Variants in RYR3 observed in about 807,000 individuals in gnomAD.
The protein encoded by RYR3 is brain ryanodine receptor-calcium release channel.
In RYR3, 207 loss-of-function variants were observed where a neutral mutation model predicts 584.3. The observed-to-expected ratio is 0.35, with a 90% CI of 0.32 to 0.40. The LOEUF is 0.40. Ranked by LOEUF, RYR3 falls within the 10% of genes least tolerant of loss-of-function variation. The pLI is 1.00. For synonymous variants in RYR3, 2,416 were observed against 2,248.5 expected (o/e 1.07, Z -2.11); for missense variants, 5,616 against 6,089.2 (o/e 0.92, Z 2.59).
chr15:33,814,041 G>A (rs1051052745), intron 74 of RYR3, among the ~76,000 whole-genome samples: 1 of 152,340 alleles, frequency 6.6e-6, no homozygotes, highest in African/African-American at 2.4e-5. Context: ...TTAGCACAGT[G>A]TACTAGCTGT....
chr15:33,783,261 G>A (rs902929341), intron 65 of RYR3, among the ~76,000 whole-genome samples: 1 of 152,174 alleles, frequency 6.6e-6, no homozygotes, highest in Admixed American at 6.5e-5. Flanking sequence ...GGTGATGCTG[G>A]TGCTGCTGGT....
rs375234263 is a variant in RYR3, at chr15:33,473,311, G to C, written c.52-108G>C. On this transcript the variant is annotated intron_variant, in intron 1 of 103. Transcript: ENST00000634891. ...GTTTAAAAATAAAAACAAAAAGCAC[G>C]TGGCTGTCAGGGATTGGTGGCTTAC... 3 of 1,275,862 alleles carry C rather than the reference G, an allele frequency of 2.4e-6. No homozygotes were observed. The East Asian group carries it at 6.9e-5, about 30-fold the overall frequency. 79.0% of individuals were successfully genotyped at this position (1,275,862 alleles called of 1,614,324 possible). A position where few individuals can be genotyped will look rare whatever the true frequency, so the allele number is the denominator to read the frequency against.
chr15:33,363,018 C>A (rs28626644), intron 1 of RYR3, among the ~76,000 whole-genome samples: 21,981 of 152,082 alleles, frequency 0.14, 1,937 homozygotes, highest in East Asian at 0.33. Context: ...GTGTTATATA[C>A]TTCTTCATAT....
intron 3 of RYR3, among the ~76,000 whole-genome samples, chr15:33,524,264 T>C (rs1212538751): frequency 6.6e-6 from 1 of 152,228 alleles, no homozygotes. Context: ...TTCTTGCCTA[T>C]ATGTAATACT....
intron 1 of RYR3, among the ~76,000 whole-genome samples, chr15:33,458,257 G>A (rs1043958998): frequency 1.3e-5 from 2 of 152,164 alleles, no homozygotes; most frequent in Non-Finnish European, 2.9e-5. Flanking sequence ...TCCCCAATGT[G>A]AGGGGGCATC....
intron 1 of RYR3, among the ~76,000 whole-genome samples, chr15:33,440,977 G>A (rs1297963572): frequency 6.6e-6 from 1 of 152,200 alleles, no homozygotes; most frequent in Non-Finnish European, 1.5e-5. Context: ...TCTTGTGGTG[G>A]TAACGATGAT....
intron 1 of RYR3, among the ~76,000 whole-genome samples, chr15:33,328,860 T>G (rs1373119236): frequency 6.6e-6 from 1 of 152,212 alleles, no homozygotes; most frequent in Non-Finnish European, 1.5e-5. Flanking sequence ...TTTTTCTAGC[T>G]TGTGGTTTTA....
Position 33,722,804 on chromosome 15 carries a change from G to A in RYR3, c.6709G>A (p.Gly2237Arg), listed in dbSNP as rs921103094. 6.2e-7 allele frequency: 1 copy of A among 1,613,238 alleles called. No homozygotes were observed. The stretch of plus-strand genomic sequence containing the variant: ...CGGCCCGGCCCTGCGGGGTGAGGGG[G>A]GAAACGGGCTCTTGGCAGCCATGCA... ...CFGPALRGEGGNGLLAAMQGA... is the reference protein window; with the variant it reads ...CFGPALRGEGRNGLLAAMQGA... The change falls in exon 44 of 104, where the codon GGA becomes AGA. Residue 2237 changes from glycine to arginine, a missense_variant. Gly to Arg is a moderately radical substitution (Grantham distance 125). This residue lies in a region of RYR3 where 1,280 missense variants were observed against 1,426.2 expected (regional missense o/e 0.90). Transcript: ENST00000634891.
intron 102 of RYR3, among the ~76,000 whole-genome samples, chr15:33,861,578 C>G (rs573554814): frequency 1.3e-5 from 2 of 151,996 alleles, no homozygotes; most frequent in African/African-American, 4.8e-5. Context: ...CAATTGAAAG[C>G]TGTCCATGCT....
intron 1 of RYR3, among the ~76,000 whole-genome samples, chr15:33,402,997 G>C (rs1373066365): frequency 6.6e-6 from 1 of 152,298 alleles, no homozygotes; most frequent in South Asian, 2.1e-4. Context: ...GCATCAAATG[G>C]CTAGAGACAT....
At chr15:33,335,034 G>T (rs372189678) in intron 1 of RYR3, among the ~76,000 whole-genome samples, 2 of 152,246 alleles carry the variant, frequency 1.3e-5, no homozygotes, top group South Asian at 4.1e-4. Context: ...AATAACACAC[G>T]TCAGTGAGGT....
chr15:33,774,396 C>T (rs536543853), intron 64 of RYR3, among the ~76,000 whole-genome samples: 10 of 152,308 alleles, frequency 6.6e-5, no homozygotes, highest in African/African-American at 2.4e-4. Flanking sequence ...ATTACTTAAT[C>T]GAAAATCCTT....
At chr15:33,387,517 A>G (rs1248773836) in intron 1 of RYR3, among the ~76,000 whole-genome samples, 2 of 152,196 alleles carry the variant, frequency 1.3e-5, no homozygotes, top group East Asian at 1.9e-4. Context: ...TTTTGAGAAT[A>G]GCCATCTTGA....
chr15:33,324,360 G>T (rs1969405778), intron 1 of RYR3, among the ~76,000 whole-genome samples: 1 of 152,150 alleles, frequency 6.6e-6, no homozygotes, highest in South Asian at 2.1e-4. Context: ...TAAAAAAGTG[G>T]CATCTTAAGG....
chr15:33,836,920 C>T lies in RYR3; in HGVS notation c.11583C>T (p.Ile3861=), dbSNP rs751729910. ...TTCTGTTCTAGGATTCCAGTCAGAT[C>T]GAGCTGCTGAAGGAACTCTTGGATC... The part of the protein sequence containing the change: ...QMKLSQDSSQ[I]ELLKELLDLL... Residue 3861 remains isoleucine, a synonymous_variant, in exon 88 of 104, where the codon ATC becomes ATT. Transcript: ENST00000634891. 4 of 1,613,248 alleles carry T rather than the reference C, an allele frequency of 2.5e-6. No individual in the cohort carries two copies. Among genetic ancestry groups the T allele is most frequent in the Non-Finnish European group, 2.5e-6 (3 of 1,179,604 alleles).
intron 102 of RYR3, among the ~76,000 whole-genome samples, chr15:33,861,441 C>G (rs1437560857): frequency 6.6e-6 from 1 of 151,820 alleles, no homozygotes; most frequent in Non-Finnish European, 1.5e-5. Context: ...AGCAATTTCT[C>G]TTTCTCTACT....
Position 33,533,174 on chromosome 15 carries a change from A to G in RYR3, c.355-137A>G, listed in dbSNP as rs75867822. 1.2e-5 allele frequency: 7 copies of G among 606,654 alleles called. No individual in the cohort carries two copies. In the East Asian group the frequency reaches 1.7e-4, roughly 15 times the overall value. 37.6% of individuals were successfully genotyped at this position (606,654 alleles called of 1,614,324 possible). On this transcript the variant is annotated intron_variant, in intron 4 of 103. Transcript: ENST00000634891. ...ATTGTATTAAGGCATTTACCAATTA[A>G]CTTTCCAATGAACAAGATAAATAGA...
At chr15:33,851,639 C>T (rs986806946) in intron 94 of RYR3, 1 of 152,060 alleles carries the variant, frequency 6.6e-6, no homozygotes, top group African/African-American at 2.4e-5. Context: ...AAGGTAAGAC[C>T]GCATCTATGA....
intron 13 of RYR3, among the ~76,000 whole-genome samples, chr15:33,580,370 A>G (rs1052885344): frequency 4.6e-5 from 7 of 152,234 alleles, no homozygotes; most frequent in Non-Finnish European, 8.8e-5. Context: ...TTAAAGCTTC[A>G]GTGCCACATG....
Sources: gnomAD v4.1 joint callset for allele counts (sites outside exome capture counted in the v4.1 genomes callset) on GRCh38, gnomAD v4.1.1 for gene constraint, gnomAD v4.1.1 regional missense constraint, MANE v1.5 for transcripts, NCBI Gene and HGNC (gene_info 2026-07-23, HGNC 2026-07-21) for gene names.